NFAT5: variants seen among roughly 807,000 people sequenced by gnomAD.
The protein encoded by NFAT5 is nuclear factor of activated T-cells 5.
In NFAT5, 31 loss-of-function variants were observed where a neutral mutation model predicts 166.5. The observed-to-expected ratio is 0.19, with a 90% CI of 0.14 to 0.25. The LOEUF is 0.25. NFAT5 is among the 10% of genes least tolerant of loss of function. The probability of loss-of-function intolerance (pLI) is 1.00; values close to 1 mark genes in which losing one functional copy is unlikely to be tolerated. For synonymous variants in NFAT5, 612 were observed against 639.7 expected, an observed-to-expected ratio of 0.96 and a Z score of 0.65; for missense variants, 1,449 against 1,821.8, an observed-to-expected ratio of 0.80 and a Z score of 3.72.
Position 69,693,671 on chromosome 16 carries a change from A to G in NFAT5, c.3846A>G (p.Gln1282=), listed in dbSNP as rs749124083. The change falls in exon 13 of 15, where the codon CAA becomes CAG. Residue 1282 remains glutamine (Q), a synonymous_variant. Transcript: ENST00000349945. ...AGCAGCAGCAACAGCAGCAGCAACA[A>G]CAACAGAGCATTTTATTCAGTAATC... ...QQQQQQQQQQ[Q]QQSILFSNQN... 8 of 1,614,178 alleles carry G rather than the reference A, an allele frequency of 5.0e-6. No homozygotes were observed. The highest frequency in any genetic ancestry group is 6.8e-6 in the Non-Finnish European group (8 of 1,180,026).
intron 2 of NFAT5, among the ~76,000 whole-genome samples, chr16:69,578,000 A>T (rs568014559): frequency 0.025 from 2,873 of 116,250 alleles, 98 homozygotes; most frequent in African/African-American, 0.072. Context: ...CAAAAAAAAA[A>T]TTTTTTTTTT....
At chr16:69,598,991 G>C (rs2032972093) in intron 2 of NFAT5, among the ~76,000 whole-genome samples, 4 of 148,806 alleles carry the variant, frequency 2.7e-5, no homozygotes. Context: ...TCCAGTCTGG[G>C]CTCTGGGCGA....
intron 7 of NFAT5, among the ~76,000 whole-genome samples, chr16:69,666,660 A>C (rs1319724700): frequency 6.6e-6 from 1 of 152,166 alleles, no homozygotes; most frequent in Non-Finnish European, 1.5e-5. Context: ...ATCATTAAAA[A>C]GTCAGGAAAC....
intron 2 of NFAT5, 51 bp from the exon 3 acceptor site, chr16:69,626,352 G>C (rs372540281): frequency 6.6e-7 from 1 of 1,520,510 alleles, no homozygotes; most frequent in Non-Finnish European, 8.8e-7. Context: ...TTAGATTGTT[G>C]ACTGAATCTC....
chr16:69,693,912 G>A lies in NFAT5; in HGVS notation c.4087G>A (p.Glu1363Lys). Residue 1363 changes from glutamate to lysine, a missense_variant, in exon 13 of 15, where the codon GAA (glutamate) becomes AAA (lysine). Physicochemically the swap from Glu to Lys is moderately conservative, Grantham distance 56. This residue lies in a region of NFAT5 where 891 missense variants were observed against 993.0 expected (regional missense o/e 0.90). Coordinates refer to ENST00000349945, the MANE Select transcript of NFAT5 (RefSeq NM_138713.4). ...TCAGAACCCAGGTCCTACCCAGTCGGAATCATCACAGACCCCCTTGTTCCA... is the reference window on the plus strand; with the variant it reads ...TCAGAACCCAGGTCCTACCCAGTCGAAATCATCACAGACCCCCTTGTTCCA... ...SLQNPGPTQS[E>K]SSQTPLFHSS... 1 of 1,614,172 alleles carries A rather than the reference G, an allele frequency of 6.2e-7. No homozygotes were observed. Among genetic ancestry groups the A allele is most frequent in the Non-Finnish European group, 8.5e-7 (1 of 1,180,040 alleles).
At chr16:69,582,171 A>T (rs1417064975) in intron 2 of NFAT5, among the ~76,000 whole-genome samples, 3 of 152,136 alleles carry the variant, frequency 2.0e-5, no homozygotes, top group Non-Finnish European at 4.4e-5. Flanking sequence ...AGGCTGAGGC[A>T]GGAGAATTGT....
At chr16:69,631,878 G>A (rs1304801051) in intron 3 of NFAT5, among the ~76,000 whole-genome samples, 2 of 152,148 alleles carry the variant, frequency 1.3e-5, no homozygotes, top group African/African-American at 2.4e-5. Flanking sequence ...ATCTCCACTT[G>A]TTGGACCACT....
intron 4 of NFAT5, among the ~76,000 whole-genome samples, 159 bp from the exon 5 acceptor site, chr16:69,653,077 A>C (rs2035741395): frequency 6.6e-6 from 1 of 152,050 alleles, no homozygotes; most frequent in Non-Finnish European, 1.5e-5. Flanking sequence ...TACTTTGCTC[A>C]TGTATCTTCC....
chr16:69,703,902 C>T lies in NFAT5; in HGVS notation c.*7551C>T, dbSNP rs1337611687. 6.6e-6 allele frequency: 1 copy of T among 152,534 alleles called. No homozygotes were observed. The highest frequency in any genetic ancestry group is 1.5e-5 in the Non-Finnish European group (1 of 68,050). The allele number at this position is 152,534 out of a possible 1,614,324, so 9.4% of individuals were successfully genotyped here. A position where few individuals can be genotyped will look rare whatever the true frequency, so the allele number is the denominator to read the frequency against. ...GCTTGCTTACTCATATTCTCCCTCC[C>T]TCTCCCCTTCCTTTCTCTCTCTTCC... On this transcript the variant is annotated 3_prime_UTR_variant, in exon 15 of 15. Transcript: ENST00000349945.
intron 11 of NFAT5, among the ~76,000 whole-genome samples, chr16:69,689,546 T>C (rs543855006): frequency 2.6e-5 from 4 of 152,186 alleles, no homozygotes; most frequent in Non-Finnish European, 5.9e-5. Context: ...ATGAAAATAT[T>C]TACTTTCAGC....
intron 2 of NFAT5, among the ~76,000 whole-genome samples, chr16:69,584,465 A>G (rs1253272134): frequency 6.6e-6 from 1 of 151,886 alleles, no homozygotes; most frequent in African/African-American, 2.4e-5. Context: ...AGCAGCTGGG[A>G]CTACAGGTGC....
At position 69,696,403 on chromosome 16, in the gene NFAT5, T is replaced by C. The variant is rs1457155778; in HGVS notation, c.*52T>C. On this transcript the variant is annotated 3_prime_UTR_variant, in exon 15 of 15. Coordinates refer to ENST00000349945, the MANE Select transcript of NFAT5 (RefSeq NM_138713.4). Reference sequence around the variant, plus strand: ...CCTGATTCCAAGATGTCCTGAGATCTTGTGGTTCCATGAGAATTATTACTT... The same window carrying C: ...CCTGATTCCAAGATGTCCTGAGATCCTGTGGTTCCATGAGAATTATTACTT... 1 of 152,636 alleles carries C rather than the reference T, an allele frequency of 6.6e-6. No homozygotes were observed. The highest frequency in any genetic ancestry group is 2.4e-5 in the African/African-American group (1 of 41,456). The allele number at this position is 152,636 out of a possible 1,614,324, so 9.5% of individuals were successfully genotyped here.
chr16:69,604,273 A>G lies in NFAT5; in HGVS notation c.128-22130A>G, dbSNP rs571721397. 6.6e-5 allele frequency among the ~76,000 whole-genome samples: 10 copies of G among 152,310 alleles called. No individual in the cohort carries two copies. The South Asian group carries it at 2.1e-3, about 32-fold the overall frequency. On this transcript the variant is annotated intron_variant, in intron 2 of 14. Transcript: ENST00000349945. The stretch of plus-strand genomic sequence containing the variant: ...TGGTTGGGTGAGATTTGCTGAAATA[A>G]TGTATATTTAAAGGATCTAGCACTG...
intron 2 of NFAT5, among the ~76,000 whole-genome samples, chr16:69,613,587 A>T (rs1391204914): frequency 6.6e-6 from 1 of 152,136 alleles, no homozygotes; most frequent in African/African-American, 2.4e-5. Context: ...TTGCTTTTAT[A>T]GTTTCTCCTT....
intron 9 of NFAT5, among the ~76,000 whole-genome samples, chr16:69,675,898 C>A (rs1484432896): frequency 1.3e-5 from 2 of 152,202 alleles, no homozygotes; most frequent in Admixed American, 6.5e-5. Context: ...ACCTCGGCCT[C>A]CCAAAGTGTT....
intron 14 of NFAT5, among the ~76,000 whole-genome samples, chr16:69,696,059 A>G (rs991618884): frequency 5.9e-5 from 9 of 152,234 alleles, no homozygotes; most frequent in Non-Finnish European, 1.0e-4. Context: ...CATTTTAGAT[A>G]AGGGATACTC....
chr16:69,623,334 C>CTTT (rs369209793), intron 2 of NFAT5, among the ~76,000 whole-genome samples: 1 of 139,620 alleles, frequency 7.2e-6, no homozygotes, highest in Non-Finnish European at 1.6e-5. Context: ...TTGCTAAAGG[C>CTTT]TTTTTTTTTT....
At chr16:69,672,229 C>T (rs2036652602) in intron 9 of NFAT5, among the ~76,000 whole-genome samples, 1 of 152,204 alleles carries the variant, frequency 6.6e-6, no homozygotes, top group Non-Finnish European at 1.5e-5. Flanking sequence ...GATAATGGGA[C>T]TTAACAAACA....
At chr16:69,601,357 A>G (rs950779924) in intron 2 of NFAT5, among the ~76,000 whole-genome samples, 18 of 152,124 alleles carry the variant, frequency 1.2e-4, no homozygotes, top group African/African-American at 4.1e-4. Flanking sequence ...GCTGCAAAGT[A>G]TTACGTGGTA....
Sources: gnomAD v4.1 joint callset for allele counts (sites outside exome capture counted in the v4.1 genomes callset) on GRCh38, gnomAD v4.1.1 for gene constraint, gnomAD v4.1.1 regional missense constraint, MANE v1.5 for transcripts, NCBI Gene and HGNC (gene_info 2026-07-23, HGNC 2026-07-21) for gene names.